The following ANKRD61 variants were observed in gnomAD, a reference collection of about 807,000 sequenced individuals.
The protein encoded by ANKRD61 is ankyrin repeat domain 61, also known as ankyrin repeat domain-containing protein 61.
Under a neutral mutation model 8.4 loss-of-function variants are expected in ANKRD61, and 7 were observed. The ratio of observed to expected loss-of-function variants is 0.84; its 90% CI spans 0.48 to 1.57. The LOEUF is 1.57. ANKRD61 is among the 40% of genes most tolerant of loss of function. ANKRD61 has a pLI of 0.00. For synonymous variants in ANKRD61, 198 were observed against 208.0 expected (o/e 0.95, Z 0.41); for missense variants, 516 against 523.4 (o/e 0.99, Z 0.14).
In ANKRD61 at chr7:6,036,460, A is replaced by G; in HGVS notation, c.*74A>G. 1 of 1,108,060 alleles carries G rather than the reference A, an allele frequency of 9.0e-7. No homozygotes were observed. Among genetic ancestry groups the G allele is most frequent in the African/African-American group, 1.6e-5 (1 of 63,710 alleles). 68.6% of individuals were successfully genotyped at this position (1,108,060 alleles called of 1,614,324 possible). On this transcript the variant is annotated 3_prime_UTR_variant, in exon 3 of 3. Transcript: ENST00000409061. This position sits in a 1 kb window ranked among gnomAD's most constrained non-coding sequence, Gnocchi z 4.6. ...TGCATTTTCTGGCTAGACATGTCCCAGAAAATGCTTCACCTATCACCTGTG... is the reference window on the plus strand; with the variant it reads ...TGCATTTTCTGGCTAGACATGTCCCGGAAAATGCTTCACCTATCACCTGTG...
chr7:6,036,059 C>A lies in ANKRD61; in HGVS notation c.930C>A (p.Asn310Lys). Residue 310 changes from asparagine (N) to lysine (K), a missense_variant, in exon 3 of 3, where the codon AAC (asparagine) becomes AAA (lysine). Physicochemically the swap from Asn to Lys is moderately conservative, Grantham distance 94 (BLOSUM62 0). Coordinates refer to ENST00000409061, the MANE Select transcript of ANKRD61 (RefSeq NM_001271700.2). The surrounding 1 kb of genome is among the most constrained non-coding windows in gnomAD (Gnocchi z 4.6). The stretch of plus-strand genomic sequence containing the variant: ...CAAATGTTAACATTTTAACAAGAAA[C>A]GGGGAATCTCCAATTTATATGTACC... Reference protein sequence around the residue: ...FEANVNILTRNGESPIYMYLQ... With the variant: ...FEANVNILTRKGESPIYMYLQ... 1.3e-6 allele frequency: 2 copies of A among 1,550,930 alleles called. No individual in the cohort carries two copies. Among genetic ancestry groups the A allele is most frequent in the African/African-American group, 1.4e-5 (1 of 73,094 alleles).
intron 2 of ANKRD61, among the ~76,000 whole-genome samples, chr7:6,034,913 G>A (rs1788031945): frequency 6.6e-6 from 1 of 152,158 alleles, no homozygotes; most frequent in African/African-American, 2.4e-5. Flanking sequence ...GCAGAAAAAT[G>A]TCGGGTAGGA....
chr7:6,035,388 C>G lies in ANKRD61; in HGVS notation c.315-56C>G. 1.4e-6 allele frequency: 2 copies of G among 1,464,660 alleles called. No individual in the cohort carries two copies. The highest frequency in any genetic ancestry group is 1.9e-6 in the Non-Finnish European group (2 of 1,079,990). 90.7% of individuals were successfully genotyped at this position (1,464,660 alleles called of 1,614,324 possible). A position where few individuals can be genotyped will look rare whatever the true frequency, so the allele number is the denominator to read the frequency against. The stretch of plus-strand genomic sequence containing the variant: ...TGGCTTCTTAAGCATTAACTGTCCA[C>G]GTAGAGCCGTTCCCACTGTGAATTC... On this transcript the variant is annotated intron_variant, in intron 2 of 2. Transcript: ENST00000409061. This position sits in a 1 kb window ranked among gnomAD's most constrained non-coding sequence, Gnocchi z 5.5.
intron 1 of ANKRD61, among the ~76,000 whole-genome samples, chr7:6,031,813 TG>T (rs1787920745): frequency 6.6e-6 from 1 of 152,186 alleles, no homozygotes. Context: ...CCTGTGTGAC[TG>T]GAAGACCATT....
chr7:6,033,468 T>C lies in ANKRD61; in HGVS notation c.314+532T>C, dbSNP rs1193660707. ...GCCAAATTAATGCACATTCTGAGGA[T>C]TAAGAGCTCAATGGTGGTGTTGTGA... is the stretch of plus-strand genomic sequence containing the variant. On this transcript the variant is annotated intron_variant, in intron 2 of 2. Transcript: ENST00000409061. This position sits in a 1 kb window ranked among gnomAD's most constrained non-coding sequence, Gnocchi z 4.4. Among the ~76,000 whole-genome samples, 1 of 152,200 alleles carries C rather than the reference T, an allele frequency of 6.6e-6. No homozygotes were observed. Among genetic ancestry groups the C allele is most frequent in the Non-Finnish European group, 1.5e-5 (1 of 68,024 alleles).
chr7:6,035,345 C>A lies in ANKRD61; in HGVS notation c.315-99C>A. Reference sequence around the variant, plus strand: ...CACGTCCTTAAGGTAATTGAAGGGTCTTACTTTAAATAAATACTGGCTTCT... The same window carrying A: ...CACGTCCTTAAGGTAATTGAAGGGTATTACTTTAAATAAATACTGGCTTCT... On this transcript the variant is annotated intron_variant, in intron 2 of 2. Coordinates refer to ENST00000409061, the MANE Select transcript of ANKRD61 (RefSeq NM_001271700.2). This position sits in a 1 kb window ranked among gnomAD's most constrained non-coding sequence, Gnocchi z 5.5. 8.6e-7 allele frequency: 1 copy of A among 1,160,010 alleles called. No individual in the cohort carries two copies. The highest frequency in any genetic ancestry group is 1.2e-6 in the Non-Finnish European group (1 of 826,362). 71.9% of individuals were successfully genotyped at this position (1,160,010 alleles called of 1,614,324 possible).
rs1452009186 is a variant in ANKRD61 at position 6,032,089 on chromosome 7, G to C, written c.216+498G>C. 6.6e-6 allele frequency among the ~76,000 whole-genome samples: 1 copy of C among 152,120 alleles called. No homozygotes were observed. The highest frequency in any genetic ancestry group is 1.5e-5 in the Non-Finnish European group (1 of 68,024). On this transcript the variant is annotated intron_variant, in intron 1 of 2. Transcript: ENST00000409061. This position sits in a 1 kb window ranked among gnomAD's most constrained non-coding sequence, Gnocchi z 4.3. ...CTCGGACGGCTGAGGCAGGAGAATT[G>C]CTTGAACCCAGGAGGCAGAGGTTGC...
Position 6,035,508 on chromosome 7 carries a change from T to TG in ANKRD61, c.382dup (p.Ala128GlyfsTer17), listed in dbSNP as rs1562746089. 3.9e-6 allele frequency: 6 copies of TG among 1,551,132 alleles called. No individual in the cohort carries two copies. The highest frequency in any genetic ancestry group is 1.2e-5 in the South Asian group (1 of 84,056). ...GCACTGGCCAGTCACTTCCACCACG[T>TG]GGGCAAAACCAGGCAACAGAACGCA... is the stretch of plus-strand genomic sequence containing the variant. On this transcript the variant is annotated frameshift_variant, in exon 3 of 3. Transcript: ENST00000409061. LOFTEE classifies it low-confidence loss of function (END_TRUNC). The surrounding 1 kb of genome is among the most constrained non-coding windows in gnomAD (Gnocchi z 5.5).
rs73056648 is a variant in ANKRD61 at position 6,033,601 on chromosome 7, T to C, written c.314+665T>C. Among the ~76,000 whole-genome samples, 13,270 of 152,164 alleles carry C rather than the reference T, an allele frequency of 0.087. 630 individuals are homozygous for C. Among genetic ancestry groups the C allele is most frequent in the Admixed American group, 0.11 (1,657 of 15,274 alleles). On this transcript the variant is annotated intron_variant, in intron 2 of 2. Transcript: ENST00000409061. This position sits in a 1 kb window ranked among gnomAD's most constrained non-coding sequence, Gnocchi z 4.4. ...ATGGATTTTCTTTATTTTTGGTTTTTGTTTTTTGAGACAGAGTCTCGCTCT... is the reference window on the plus strand; with the variant it reads ...ATGGATTTTCTTTATTTTTGGTTTTCGTTTTTTGAGACAGAGTCTCGCTCT...
Position 6,032,951 on chromosome 7 carries a change from C to G in ANKRD61, c.314+15C>G. 6.5e-7 allele frequency: 1 copy of G among 1,541,406 alleles called. No homozygotes were observed. Among genetic ancestry groups the G allele is most frequent in the Middle Eastern group, 1.7e-4 (1 of 5,954 alleles). ...CCAGAAGTCAGGTAAGTTAACTCCACCGAAAATCATTTCTTTTTTTTTCTT... is the reference window on the plus strand; with the variant it reads ...CCAGAAGTCAGGTAAGTTAACTCCAGCGAAAATCATTTCTTTTTTTTTCTT... On this transcript the variant is annotated intron_variant, in intron 2 of 2. Transcript: ENST00000409061. This position sits in a 1 kb window ranked among gnomAD's most constrained non-coding sequence, Gnocchi z 4.3.
In ANKRD61 at chr7:6,035,591, G is replaced by C. The variant is rs1005269429; in HGVS notation, c.462G>C (p.Ala154=). 1.3e-6 allele frequency: 2 copies of C among 1,551,002 alleles called. No homozygotes were observed. Among genetic ancestry groups the C allele is most frequent in the Admixed American group, 3.9e-5 (2 of 50,980 alleles). The change falls in exon 3 of 3, where the codon GCG becomes GCC. Residue 154 remains alanine (A), a synonymous_variant. Coordinates refer to ENST00000409061, the MANE Select transcript of ANKRD61 (RefSeq NM_001271700.2). The surrounding 1 kb of genome is among the most constrained non-coding windows in gnomAD (Gnocchi z 5.5). ...SSITCLRILC[A]HGAQVNTQGE... is the part of the protein sequence containing the mutation. ...TCACATGTCTCCGCATCTTGTGTGC[G>C]CACGGAGCTCAAGTGAACACTCAAG...
In ANKRD61 at chr7:6,035,362, C is replaced by T; in HGVS notation, c.315-82C>T. 7.8e-7 allele frequency: 1 copy of T among 1,274,098 alleles called. No individual in the cohort carries two copies. The highest frequency in any genetic ancestry group is 1.5e-5 in the African/African-American group (1 of 66,680). 78.9% of individuals were successfully genotyped at this position (1,274,098 alleles called of 1,614,324 possible). Reference sequence around the variant, plus strand: ...TGAAGGGTCTTACTTTAAATAAATACTGGCTTCTTAAGCATTAACTGTCCA... The same window carrying T: ...TGAAGGGTCTTACTTTAAATAAATATTGGCTTCTTAAGCATTAACTGTCCA... On this transcript the variant is annotated intron_variant, in intron 2 of 2. Transcript: ENST00000409061. The surrounding 1 kb of genome is among the most constrained non-coding windows in gnomAD (Gnocchi z 5.5).
chr7:6,031,949 G>A (rs558493905), intron 1 of ANKRD61, among the ~76,000 whole-genome samples: 1 of 152,200 alleles, frequency 6.6e-6, no homozygotes, highest in African/African-American at 2.4e-5. Context: ...TGAGGTGGGT[G>A]GATCACCTGA....
chr7:6,036,351 G>A lies in ANKRD61; in HGVS notation c.1222G>A (p.Val408Ile), dbSNP rs1477008633. 5 of 1,523,858 alleles carry A rather than the reference G, an allele frequency of 3.3e-6. No homozygotes were observed. The African/African-American group carries it at 4.2e-5, about 13-fold the overall frequency. The allele number at this position is 1,523,858 out of a possible 1,614,324, so 94.4% of individuals were successfully genotyped here. Reference sequence around the variant, plus strand: ...CCTCCCAGTGACAATATGGAATTCTGTCTACTGCTGTTATGACTTGGCATA... The same window carrying A: ...CCTCCCAGTGACAATATGGAATTCTATCTACTGCTGTTATGACTTGGCATA... ...QFLPVTIWNSVYCCYDLAYTS is the reference protein window; with the variant it reads ...QFLPVTIWNSIYCCYDLAYTS Residue 408 changes from valine to isoleucine, a missense_variant, in exon 3 of 3, where the codon GTC becomes ATC. Val to Ile is a conservative substitution (Grantham distance 29). Coordinates refer to ENST00000409061, the MANE Select transcript of ANKRD61 (RefSeq NM_001271700.2). The surrounding 1 kb of genome is among the most constrained non-coding windows in gnomAD (Gnocchi z 4.6).
Position 6,036,206 on chromosome 7 carries a change from C to T in ANKRD61, c.1077C>T (p.Phe359=), listed in dbSNP as rs1263009497. Residue 359 remains phenylalanine, a synonymous_variant, in exon 3 of 3, where the codon TTC becomes TTT. Coordinates refer to ENST00000409061, the MANE Select transcript of ANKRD61 (RefSeq NM_001271700.2). The surrounding 1 kb of genome is among the most constrained non-coding windows in gnomAD (Gnocchi z 4.6). ...ILPAGIMLPE[F]RLLRDTLIKQ... ...CTGCAGGAATCATGCTACCAGAATT[C>T]CGCCTCTTAAGGGACACCCTAATAA... The T allele has an allele frequency of 3.2e-6, 5 of 1,549,674 alleles. No homozygotes were observed. The South Asian group carries it at 6.0e-5, about 18-fold the overall frequency.
rs181802492 is a variant in ANKRD61, at chr7:6,031,464, C to T, written c.89C>T (p.Ser30Leu). The T allele has an allele frequency of 2.0e-4, 306 of 1,550,702 alleles. 2 individuals carry two copies. In the African/African-American group the frequency reaches 2.8e-3, roughly 14 times the overall value. The change falls in exon 1 of 3, where the codon TCG (serine) becomes TTG (leucine). Residue 30 changes from serine (S) to leucine (L), a missense_variant. Ser to Leu is a moderately radical substitution (Grantham distance 145). Transcript: ENST00000409061. The stretch of plus-strand genomic sequence containing the variant: ...GATGGCCCATCTGCAGCACTTCACT[C>T]GAAACTCTATGAAGCCATCATGAGA... ...LEDGPSAALH[S>L]KLYEAIMRED...
intron 2 of ANKRD61, among the ~76,000 whole-genome samples, chr7:6,034,657 T>G (rs1788024835): frequency 6.6e-6 from 1 of 152,202 alleles, no homozygotes; most frequent in African/African-American, 2.4e-5. Context: ...ATCCATAGCC[T>G]AGGGCCTCAC....
At chr7:6,034,125 G>C (rs1787999273) in intron 2 of ANKRD61, among the ~76,000 whole-genome samples, 1 of 151,630 alleles carries the variant, frequency 6.6e-6, no homozygotes, top group Non-Finnish European at 1.5e-5. Flanking sequence ...AGACCAGCCT[G>C]GTGAAACCTC....
chr7:6,035,880 G>A lies in ANKRD61; in HGVS notation c.751G>A (p.Gly251Ser). Residue 251 changes from glycine to serine, a missense_variant, in exon 3 of 3, where the codon GGC becomes AGC. Physicochemically the swap from Gly to Ser is moderately conservative, Grantham distance 56. Coordinates refer to ENST00000409061, the MANE Select transcript of ANKRD61 (RefSeq NM_001271700.2). This position sits in a 1 kb window ranked among gnomAD's most constrained non-coding sequence, Gnocchi z 5.5. ...LAVCTASSKA[G>S]RLLGAGVSCI... is the part of the protein sequence containing the mutation. ...AGTGTGCACTGCATCAAGCAAAGCA[G>A]GCCGACTCCTCGGGGCGGGGGTCAG... 2 of 1,547,054 alleles carry A rather than the reference G, an allele frequency of 1.3e-6. No homozygotes were observed. The highest frequency in any genetic ancestry group is 1.2e-5 in the South Asian group (1 of 83,622).
Sources: allele counts gnomAD v4.1 joint callset (sites outside exome capture counted in the v4.1 genomes callset), GRCh38; gene constraint gnomAD v4.1.1; non-coding constraint Gnocchi (gnomAD v3.1); transcripts MANE v1.5; gene names NCBI Gene and HGNC (gene_info 2026-07-23, HGNC 2026-07-21).